The following NUP58 variants were observed in gnomAD, a reference collection of about 807,000 sequenced individuals.
The protein encoded by NUP58 is nucleoporin 58.
A neutral mutation model predicts 70.1 loss-of-function variants in NUP58; 17 were observed. That is an observed-to-expected ratio of 0.24 (90% confidence interval 0.17 to 0.36). The LOEUF (loss-of-function observed/expected upper bound fraction) is 0.36. Ranked by LOEUF, NUP58 falls within the 10% of genes least tolerant of loss-of-function variation. The probability of loss-of-function intolerance (pLI) is 1.00; values close to 1 mark genes in which losing one functional copy is unlikely to be tolerated. For missense variants in NUP58, 644 were observed against 701.5 expected, an observed-to-expected ratio of 0.92 and a Z score of 0.93; for synonymous variants, 275 against 257.6, an observed-to-expected ratio of 1.07 and a Z score of -0.65.
intron 13 of NUP58, chr13:25,336,266 T>C (rs759160312): frequency 2.9e-6 from 4 of 1,364,916 alleles, no homozygotes; most frequent in African/African-American, 1.5e-5. Flanking sequence ...ATTATCACTT[T>C]TTGTGAACAA....
chr13:25,313,114 T>A, intron 4 of NUP58, 82 bp downstream of exon 4: 1 of 1,440,138 alleles, frequency 6.9e-7, no homozygotes, highest in Non-Finnish European at 9.4e-7. Context: ...GTCACCTTAC[T>A]ACAGAAATTA....
intron 1 of NUP58, among the ~76,000 whole-genome samples, chr13:25,304,421 G>C (rs2030185894): frequency 7.0e-6 from 1 of 142,586 alleles, no homozygotes; most frequent in Middle Eastern, 3.9e-3. Flanking sequence ...TTCTTTGGCA[G>C]TATTTTCAAC....
intron 2 of NUP58, among the ~76,000 whole-genome samples, chr13:25,309,009 A>G (rs1416877362): frequency 3.3e-5 from 5 of 152,218 alleles, no homozygotes. Context: ...GTTATAAGCA[A>G]TAGTTATTTG....
At chr13:25,311,134 A>G (rs1185568623) in intron 3 of NUP58, among the ~76,000 whole-genome samples, 1 of 152,204 alleles carries the variant, frequency 6.6e-6, no homozygotes, top group African/African-American at 2.4e-5. Context: ...TGGCAAGTGC[A>G]AAGGCCCAGT....
At chr13:25,303,225 A>G (rs962785072) in intron 1 of NUP58, 2 of 399,780 alleles carry the variant, frequency 5.0e-6, no homozygotes, top group Non-Finnish European at 9.7e-6. Flanking sequence ...ATGAAGTTTA[A>G]AAAAGAAAAA....
chr13:25,311,894 A>G (rs2030687885), intron 3 of NUP58, among the ~76,000 whole-genome samples: 2 of 152,180 alleles, frequency 1.3e-5, no homozygotes, highest in Admixed American at 1.3e-4. Flanking sequence ...AAGGATGTCA[A>G]GGATGACTGG....
intron 7 of NUP58, chr13:25,320,326 A>C: frequency 2.3e-6 from 1 of 425,832 alleles, no homozygotes; most frequent in Non-Finnish European, 4.1e-6. Flanking sequence ...TCTTCATGTC[A>C]GATGAATTGT....
chr13:25,302,232 A>G (rs376552797), intron 1 of NUP58, among the ~76,000 whole-genome samples: 82 of 152,374 alleles, frequency 5.4e-4, no homozygotes, highest in South Asian at 2.9e-3. Context: ...TGAACATTGA[A>G]TGAATGAATG....
chr13:25,315,478 C>T lies in NUP58; in HGVS notation c.685+11C>T, dbSNP rs2030884012. 1.3e-6 allele frequency: 2 copies of T among 1,555,674 alleles called. No homozygotes were observed. The highest frequency in any genetic ancestry group is 1.8e-6 in the Non-Finnish European group (2 of 1,129,132). The stretch of plus-strand genomic sequence containing the variant: ...CCTCAGATAAAAAGAGTAAGTAATG[C>T]TGTTGTAACTTTATGTTTTAACAGT... On this transcript the variant is annotated intron_variant, in intron 6 of 15. Transcript: ENST00000381736.
intron 15 of NUP58, among the ~76,000 whole-genome samples, chr13:25,339,065 G>GT (rs2031877283): frequency 6.6e-6 from 1 of 152,260 alleles, no homozygotes; most frequent in Non-Finnish European, 1.5e-5. Context: ...CATTGTGAAA[G>GT]TTTAAGTTTT....
chr13:25,341,162 G>T lies in NUP58; in HGVS notation c.*1028G>T, dbSNP rs2031943919. ...ATTGCCCCTGATCTTTTCCATTTTT[G>T]TTTCCACCTTAACCTATAGCAGCTC... On this transcript the variant is annotated 3_prime_UTR_variant, in exon 16 of 16. Coordinates refer to ENST00000381736, the MANE Select transcript of NUP58 (RefSeq NM_014089.4). 1 of 152,140 alleles carries T rather than the reference G, an allele frequency of 6.6e-6. No individual in the cohort carries two copies. Among genetic ancestry groups the T allele is most frequent in the African/African-American group, 2.4e-5 (1 of 41,422 alleles). 9.4% of individuals were successfully genotyped at this position (152,140 alleles called of 1,614,324 possible). A position where few individuals can be genotyped will look rare whatever the true frequency, so the allele number is the denominator to read the frequency against.
rs2031080789 is a variant in NUP58 at position 25,319,362 on chromosome 13, A to G, written c.710+12A>G. The G allele has an allele frequency of 1.2e-6, 2 of 1,609,530 alleles. No homozygotes were observed. Among genetic ancestry groups the G allele is most frequent in the Non-Finnish European group, 1.7e-6 (2 of 1,176,194 alleles). ...GGAACAAGACCAGAGTAAGTTTACAAATTTACCCTTAAGGCATTTTAATTG... is the reference window on the plus strand; with the variant it reads ...GGAACAAGACCAGAGTAAGTTTACAGATTTACCCTTAAGGCATTTTAATTG... On this transcript the variant is annotated intron_variant, in intron 7 of 15. Coordinates refer to ENST00000381736, the MANE Select transcript of NUP58 (RefSeq NM_014089.4).
downstream of NUP58, among the ~76,000 whole-genome samples, chr13:25,346,909 A>T (rs2032057456): frequency 6.6e-6 from 1 of 152,202 alleles, no homozygotes; most frequent in African/African-American, 2.4e-5. Flanking sequence ...GGGGTTCAAA[A>T]TAAAAAGCAA....
intron 3 of NUP58, among the ~76,000 whole-genome samples, chr13:25,311,208 A>G (rs1052125159): frequency 1.3e-5 from 2 of 152,120 alleles, no homozygotes; most frequent in Non-Finnish European, 2.9e-5. Context: ...AGAGGTGGAA[A>G]TGGTGGGCAG....
intron 3 of NUP58, chr13:25,310,069 T>C: frequency 2.7e-6 from 1 of 367,246 alleles, no homozygotes; most frequent in Non-Finnish European, 5.4e-6. Context: ...ATCAGACAGG[T>C]TCTTCCTCTG....
At chr13:25,302,482 G>C (rs993138133) in intron 1 of NUP58, among the ~76,000 whole-genome samples, 1 of 152,310 alleles carries the variant, frequency 6.6e-6, no homozygotes, top group East Asian at 1.9e-4. Flanking sequence ...CGAGAATGTT[G>C]TGTTGTAATA....
At chr13:25,304,520 A>ATATATG (rs1346828407) in intron 1 of NUP58, among the ~76,000 whole-genome samples, 1 of 93,272 alleles carries the variant, frequency 1.1e-5, no homozygotes, top group Non-Finnish European at 2.0e-5. Flanking sequence ...ATATATATGT[A>ATATATG]TTTTTTTTTT....
downstream of NUP58, among the ~76,000 whole-genome samples, chr13:25,344,613 A>G (rs2032027596): frequency 6.6e-6 from 1 of 152,140 alleles, no homozygotes; most frequent in South Asian, 2.1e-4. Context: ...TTTTTCTTTA[A>G]AAATTCTGAG....
At chr13:25,318,166 A>G (rs2031022809) in intron 6 of NUP58, among the ~76,000 whole-genome samples, 1 of 152,190 alleles carries the variant, frequency 6.6e-6, no homozygotes, top group Non-Finnish European at 1.5e-5. Flanking sequence ...CGTCTCTACT[A>G]AAAATGCAAA....
Sources: gnomAD v4.1 joint callset for allele counts (sites outside exome capture counted in the v4.1 genomes callset) on GRCh38, gnomAD v4.1.1 for gene constraint, MANE v1.5 for transcripts, NCBI Gene and HGNC (gene_info 2026-07-23, HGNC 2026-07-21) for gene names.